Variants in GRM7 observed in about 807,000 individuals in gnomAD.
GRM7 encodes metabotropic glutamate receptor 7.
GRM7 carries 35 observed loss-of-function variants against 84.5 expected under a neutral mutation model. That is an observed-to-expected ratio of 0.41 (90% CI 0.32 to 0.55). The LOEUF (loss-of-function observed/expected upper bound fraction) is 0.55. Among genes scored for constraint, GRM7 ranks in the 20% least tolerant of loss-of-function variants. The probability of loss-of-function intolerance (pLI) is 0.19; values close to 1 mark genes in which losing one functional copy is unlikely to be tolerated. For missense variants in GRM7, 1,003 were observed against 1,194.6 expected (o/e 0.84, Z 2.36); for synonymous variants, 487 against 455.1 (o/e 1.07, Z -0.89).
intron 4 of GRM7, among the ~76,000 whole-genome samples, chr3:7,354,911 G>T (rs1259718552): frequency 3.9e-5 from 6 of 152,138 alleles, no homozygotes; most frequent in Admixed American, 3.9e-4. Context: ...CCTACACAGG[G>T]GTATATCAAC....
intron 2 of GRM7, among the ~76,000 whole-genome samples, chr3:7,207,261 A>G (rs1457701299): frequency 6.6e-6 from 1 of 152,056 alleles, no homozygotes; most frequent in Non-Finnish European, 1.5e-5. Context: ...TTGGAAATAT[A>G]CTCGTGCCTG....
In GRM7 at chr3:7,358,044, C is replaced by A. The variant is rs951256458; in HGVS notation, c.1033+51392C>A. The stretch of plus-strand genomic sequence containing the variant: ...TATTTTGCTACTTCCCTCTCATCCC[C>A]TCTTTTCCTCCGTTGCTCCATTCCT... On this transcript the variant is annotated intron_variant, in intron 4 of 9. Transcript: ENST00000357716. Among the ~76,000 whole-genome samples, 27 of 152,212 alleles carry A rather than the reference C, an allele frequency of 1.8e-4. 1 individual carries two copies. The highest frequency in any genetic ancestry group is 6.3e-4 in the African/African-American group (26 of 41,546).
intron 4 of GRM7, among the ~76,000 whole-genome samples, chr3:7,347,911 A>G (rs895712064): frequency 6.6e-6 from 1 of 152,122 alleles, no homozygotes; most frequent in Non-Finnish European, 1.5e-5. Context: ...CTTTTATCTA[A>G]TAGTTATTGT....
At chr3:7,637,269 A>G (rs1202267498) in intron 8 of GRM7, among the ~76,000 whole-genome samples, 3 of 152,200 alleles carry the variant, frequency 2.0e-5, no homozygotes, top group African/African-American at 4.8e-5. Flanking sequence ...TTGGCCTCAC[A>G]AAGTGTTGGG....
At chr3:7,271,562 T>TAAAAAAA (rs71063298) in intron 2 of GRM7, among the ~76,000 whole-genome samples, 8 of 88,804 alleles carry the variant, frequency 9.0e-5, no homozygotes, top group South Asian at 4.1e-4. Flanking sequence ...CCGCCTCAAA[T>TAAAAAAA]AAAAAAAAAA....
At chr3:7,625,937 G>A (rs1697587236) in intron 8 of GRM7, among the ~76,000 whole-genome samples, 1 of 152,114 alleles carries the variant, frequency 6.6e-6, no homozygotes, top group Non-Finnish European at 1.5e-5. Flanking sequence ...AGTTAAAAGA[G>A]AACAACCATT....
At chr3:7,691,614 T>C (rs1700803269) in intron 9 of GRM7, among the ~76,000 whole-genome samples, 1 of 152,184 alleles carries the variant, frequency 6.6e-6, no homozygotes, top group African/African-American at 2.4e-5. Flanking sequence ...TCAGGGTACA[T>C]AAGATAACAT....
At chr3:7,530,641 TG>T (rs1254853733) in intron 7 of GRM7, among the ~76,000 whole-genome samples, 1 of 152,228 alleles carries the variant, frequency 6.6e-6, no homozygotes, top group African/African-American at 2.4e-5. Context: ...CCTTTCTAAC[TG>T]GCATGAGATG....
chr3:7,130,107 C>T (rs527981278), intron 1 of GRM7, among the ~76,000 whole-genome samples: 6 of 152,268 alleles, frequency 3.9e-5, no homozygotes, highest in Admixed American at 3.3e-4. Flanking sequence ...AGATCTGACT[C>T]GGTTAGCACT....
rs17047676 is a variant in GRM7 at position 7,586,067 on chromosome 3, T to C, written c.2451+6710T>C. Among the ~76,000 whole-genome samples the C allele has an allele frequency of 0.017, 2,541 of 152,310 alleles. 174 individuals are homozygous for C. In the East Asian group the frequency reaches 0.21, roughly 13 times the overall value. On this transcript the variant is annotated intron_variant, in intron 8 of 9. Coordinates refer to ENST00000357716, the MANE Select transcript of GRM7 (RefSeq NM_000844.4). Reference sequence around the variant, plus strand: ...CATTCTGGATGTATCACTTAACTTATTTGGTCTTCACTTCTTTCATCTTCA... The same window carrying C: ...CATTCTGGATGTATCACTTAACTTACTTGGTCTTCACTTCTTTCATCTTCA...
At chr3:7,275,152 C>T (rs544849560) in intron 2 of GRM7, among the ~76,000 whole-genome samples, 2 of 152,076 alleles carry the variant, frequency 1.3e-5, no homozygotes, top group African/African-American at 4.8e-5. Context: ...TCTTAAAATT[C>T]CCATCTCTCT....
At chr3:7,734,800 T>G (rs1702449420) in intron 9 of GRM7, among the ~76,000 whole-genome samples, 1 of 152,250 alleles carries the variant, frequency 6.6e-6, no homozygotes, top group Non-Finnish European at 1.5e-5. Context: ...TAGCTTTGTA[T>G]CTTCTCAAGT....
At chr3:7,410,656 CCACACACA>C (rs370683194) in intron 4 of GRM7, among the ~76,000 whole-genome samples, 12 of 142,624 alleles carry the variant, frequency 8.4e-5, no homozygotes, top group Non-Finnish European at 1.9e-4. Context: ...ACCACCACCA[CCACACACA>C]CACACACACA....
rs17046919 is a variant in GRM7, at chr3:7,157,937, C to T, written c.736+11269C>T. 3.3e-3 allele frequency among the ~76,000 whole-genome samples: 505 copies of T among 152,180 alleles called. 1 individual carries two copies. Among genetic ancestry groups the T allele is most frequent in the African/African-American group, 0.011 (475 of 41,512 alleles). The stretch of plus-strand genomic sequence containing the variant: ...AAGAAGGAAAATGACAGGGGCTCAT[C>T]GCACGCTGGGATAAGGATGAGAATC... On this transcript the variant is annotated intron_variant, in intron 2 of 9. Coordinates refer to ENST00000357716, the MANE Select transcript of GRM7 (RefSeq NM_000844.4).
chr3:7,334,732 T>G (rs576725389), intron 4 of GRM7, among the ~76,000 whole-genome samples: 1 of 152,190 alleles, frequency 6.6e-6, no homozygotes, highest in South Asian at 2.1e-4. Context: ...AAAAAGATAT[T>G]CCATGCAAAT....
In GRM7 at chr3:7,452,298, G is replaced by A. The variant is rs573946611; in HGVS notation, c.1175-309G>A. On this transcript the variant is annotated intron_variant, in intron 5 of 9. Coordinates refer to ENST00000357716, the MANE Select transcript of GRM7 (RefSeq NM_000844.4). ...TAGAGTAAGCGAGCTTTTCAGGTTCGAATGTGGCAACCCAGCTTCTGATCT... is the reference window on the plus strand; with the variant it reads ...TAGAGTAAGCGAGCTTTTCAGGTTCAAATGTGGCAACCCAGCTTCTGATCT... Among the ~76,000 whole-genome samples the A allele has an allele frequency of 3.0e-3, 451 of 152,194 alleles. 3 individuals carry two copies. Among genetic ancestry groups the A allele is most frequent in the African/African-American group, 0.01 (429 of 41,502 alleles).
chr3:7,470,832 G>A (rs1377942007), intron 7 of GRM7, among the ~76,000 whole-genome samples: 1 of 152,028 alleles, frequency 6.6e-6, no homozygotes, highest in East Asian at 1.9e-4. Flanking sequence ...GTCAACTAAT[G>A]TACGATCTGC....
chr3:7,022,628 T>C (rs545830623), intron 1 of GRM7, among the ~76,000 whole-genome samples: 1 of 152,294 alleles, frequency 6.6e-6, no homozygotes, highest in Non-Finnish European at 1.5e-5. Context: ...CTTATATTTA[T>C]ACTGTTGTAA....
intron 7 of GRM7, among the ~76,000 whole-genome samples, chr3:7,499,194 A>G (rs1365740248): frequency 6.6e-6 from 1 of 152,120 alleles, no homozygotes; most frequent in African/African-American, 2.4e-5. Context: ...GGTGGCCTCA[A>G]AATCTCTGGG....
Sources: gnomAD v4.1 joint callset for allele counts (sites outside exome capture counted in the v4.1 genomes callset) on GRCh38, gnomAD v4.1.1 for gene constraint, MANE v1.5 for transcripts, NCBI Gene and HGNC (gene_info 2026-07-23, HGNC 2026-07-21) for gene names.